THADA: variants seen among roughly 807,000 people sequenced by gnomAD.
THADA encodes tRNA (32-2'-O)-methyltransferase regulator THADA.
In THADA, 213 loss-of-function variants were observed where a neutral mutation model predicts 219.8. That is an observed-to-expected ratio of 0.97 (90% CI 0.87 to 1.09). The LOEUF is 1.09. THADA is among the 50% of genes least tolerant of loss of function. The pLI, the probability that THADA is intolerant of heterozygous loss-of-function variation, is 0.00. For synonymous variants in THADA, 1,018 were observed against 828.9 expected (o/e 1.23, Z -3.92); for missense variants, 2,956 against 2,311.3 (o/e 1.28, Z -5.72).
chr2:43,439,088 CCACT>C (rs1302224095), intron 26 of THADA, among the ~76,000 whole-genome samples: 11 of 152,142 alleles, frequency 7.2e-5, no homozygotes, highest in African/African-American at 2.7e-4. Context: ...TATTTTTGAA[CCACT>C]GGTGACCAGT....
chr2:43,570,283 G>C (rs778867806), intron 14 of THADA, 105 bp downstream of exon 14: 1 of 1,192,986 alleles, frequency 8.4e-7, no homozygotes, highest in Non-Finnish European at 1.1e-6. Flanking sequence ...AAAAAACACA[G>C]AAACACAATT....
intron 26 of THADA, among the ~76,000 whole-genome samples, chr2:43,467,105 C>T (rs562517399): frequency 7.0e-6 from 1 of 143,320 alleles, no homozygotes; most frequent in Admixed American, 7.3e-5. Flanking sequence ...TGGCGTGAAC[C>T]CGGGAGGCGG....
chr2:43,564,863 T>C (rs1393672401), intron 15 of THADA: 1 of 152,180 alleles, frequency 6.6e-6, no homozygotes, highest in Non-Finnish European at 1.5e-5. Flanking sequence ...TTCCAAAATG[T>C]TAATATCATA....
chr2:43,245,245 T>C (rs1669027044), intron 36 of THADA, among the ~76,000 whole-genome samples: 1 of 144,064 alleles, frequency 6.9e-6, no homozygotes, highest in Admixed American at 7.1e-5. Context: ...TGATCTCGGC[T>C]CACTGCAACC....
At chr2:43,284,357 C>T (rs72788887) in intron 35 of THADA, among the ~76,000 whole-genome samples, 2,401 of 152,154 alleles carry the variant, frequency 0.016, 23 homozygotes, top group Middle Eastern at 0.027. Context: ...GGACACAGCA[C>T]GCTGTGTCCC....
At chr2:43,477,217 G>GA (rs947648253) in intron 26 of THADA, among the ~76,000 whole-genome samples, 15 of 151,592 alleles carry the variant, frequency 9.9e-5, no homozygotes, top group African/African-American at 2.9e-4. Flanking sequence ...CTGTTGGATG[G>GA]AAAAAAAATG....
intron 29 of THADA, among the ~76,000 whole-genome samples, chr2:43,381,221 C>T (rs1181725560): frequency 1.3e-5 from 2 of 150,774 alleles, no homozygotes; most frequent in East Asian, 3.9e-4. Flanking sequence ...GCTGAAACAA[C>T]TGGAGCAACA....
At chr2:43,440,611 T>C (rs1680730756) in intron 26 of THADA, among the ~76,000 whole-genome samples, 2 of 152,322 alleles carry the variant, frequency 1.3e-5, no homozygotes, top group South Asian at 2.1e-4. Flanking sequence ...GAGTTTAGTA[T>C]TGGGATCCCT....
intron 29 of THADA, among the ~76,000 whole-genome samples, chr2:43,383,332 G>A (rs879681054): frequency 2.0e-5 from 3 of 152,146 alleles, no homozygotes; most frequent in Non-Finnish European, 2.9e-5. Flanking sequence ...TGCCGTCCAT[G>A]AGTTCACCAT....
chr2:43,539,402 G>C (rs1695018085), intron 21 of THADA, among the ~76,000 whole-genome samples: 1 of 152,154 alleles, frequency 6.6e-6, no homozygotes, highest in Admixed American at 6.5e-5. Flanking sequence ...TAATTTAAAG[G>C]AAGTTCATGG....
At chr2:43,509,057 G>C (rs1690056447) in intron 22 of THADA, among the ~76,000 whole-genome samples, 1 of 152,040 alleles carries the variant, frequency 6.6e-6, no homozygotes, top group African/African-American at 2.4e-5. Context: ...AAAATATTCA[G>C]GAAAAGGTTG....
At chr2:43,388,842 T>C (rs1399095263) in intron 29 of THADA, among the ~76,000 whole-genome samples, 2 of 152,212 alleles carry the variant, frequency 1.3e-5, no homozygotes, top group Non-Finnish European at 2.9e-5. Context: ...ATTATTTCAA[T>C]GTACAACATT....
At chr2:43,570,359 A>T in intron 14 of THADA, 29 bp downstream of exon 14, 1 of 1,566,640 alleles carries the variant, frequency 6.4e-7, no homozygotes, top group Non-Finnish European at 8.6e-7. Context: ...TTAAAAAAAA[A>T]CTCTCATGTT....
At chr2:43,263,442 G>A (rs1316415843) in intron 36 of THADA, among the ~76,000 whole-genome samples, 1 of 152,170 alleles carries the variant, frequency 6.6e-6, no homozygotes. Context: ...AACCCCGTGA[G>A]AAGAAAAATG....
intron 26 of THADA, among the ~76,000 whole-genome samples, chr2:43,442,556 C>T (rs1442935328): frequency 1.3e-5 from 2 of 152,192 alleles, no homozygotes; most frequent in East Asian, 3.8e-4. Flanking sequence ...GACTGGATGA[C>T]AAGAGGACTT....
At chr2:43,540,384 T>C (rs1558936119) in intron 21 of THADA, among the ~76,000 whole-genome samples, 2 of 152,222 alleles carry the variant, frequency 1.3e-5, no homozygotes, top group Non-Finnish European at 2.9e-5. Context: ...TCCATGGAAC[T>C]AGTCATGTGG....
intron 31 of THADA, among the ~76,000 whole-genome samples, chr2:43,308,709 G>A (rs1351294246): frequency 1.6e-5 from 1 of 60,826 alleles, no homozygotes; most frequent in Non-Finnish European, 3.2e-5. Context: ...CTCTAGAAAC[G>A]AAGAAAGAAA....
chr2:43,552,011 G>C, intron 18 of THADA, 86 bp from the exon 19 acceptor site: 1 of 1,564,566 alleles, frequency 6.4e-7, no homozygotes, highest in South Asian at 1.2e-5. Context: ...TTGACTTTGT[G>C]TTTCAAAATT....
chr2:43,473,869 A>G (rs1685209621), intron 26 of THADA, among the ~76,000 whole-genome samples: 1 of 152,164 alleles, frequency 6.6e-6, no homozygotes, highest in Non-Finnish European at 1.5e-5. Flanking sequence ...TCGGCCTCCC[A>G]GATTACAGGG....
Sources: gnomAD v4.1 joint callset for allele counts (sites outside exome capture counted in the v4.1 genomes callset) on GRCh38, gnomAD v4.1.1 for gene constraint, MANE v1.5 for transcripts, NCBI Gene and HGNC (gene_info 2026-07-23, HGNC 2026-07-21) for gene names.